The following GPHN variants were observed in gnomAD, a reference collection of about 807,000 sequenced individuals.
GPHN encodes gephyrin.
Under a neutral mutation model 95.5 loss-of-function variants are expected in GPHN, and 17 were observed. That is an observed-to-expected ratio of 0.18 (90% CI 0.12 to 0.27). The LOEUF (loss-of-function observed/expected upper bound fraction) is 0.27. Ranked by LOEUF, GPHN falls within the 10% of genes least tolerant of loss-of-function variation. The pLI is 1.00. For synonymous variants in GPHN, 320 were observed against 322.5 expected, an observed-to-expected ratio of 0.99 and a Z score of 0.08; for missense variants, 660 against 978.1, an observed-to-expected ratio of 0.67 and a Z score of 4.34.
At chr14:67,279,337 T>G in the GPHN span, 1 of 1,613,302 alleles carries the variant, frequency 6.2e-7, no homozygotes, top group Non-Finnish European at 8.5e-7. Flanking sequence ...AGTGCACAGT[T>G]GGAGCGTATT....
At chr14:67,434,925 G>A in the GPHN span, among the ~76,000 whole-genome samples, 2 of 151,880 alleles carry the variant, frequency 1.3e-5, no homozygotes, top group South Asian at 4.2e-4. Context: ...GAGGGGGTGA[G>A]CATGCTAATG....
chr14:67,216,544 A>C, the GPHN span, among the ~76,000 whole-genome samples: 1 of 151,994 alleles, frequency 6.6e-6, no homozygotes, highest in African/African-American at 2.4e-5. Context: ...TATCACTATA[A>C]ACTTGACTCT....
chr14:67,388,383 G>T, the GPHN span: 2 of 844,106 alleles, frequency 2.4e-6, no homozygotes, highest in Non-Finnish European at 4.1e-6. Flanking sequence ...ACTCAGGCCA[G>T]CTAAAGAAGT....
chr14:67,589,739 AT>A, the GPHN span: 1 of 1,016,218 alleles, frequency 9.8e-7, no homozygotes, highest in African/African-American at 1.7e-5. Context: ...TCAGTTTCCC[AT>A]TGTTTTGCTT....
chr14:67,442,545 C>A, the GPHN span, among the ~76,000 whole-genome samples: 1 of 152,208 alleles, frequency 6.6e-6, no homozygotes, highest in South Asian at 2.1e-4. Flanking sequence ...GCACTCGTCC[C>A]TGCCTCCACA....
At chr14:67,010,272 CG>C (rs113347256) in intron 9 of GPHN, among the ~76,000 whole-genome samples, 7,149 of 151,164 alleles carry the variant, frequency 0.047, 204 homozygotes, top group Middle Eastern at 0.068. Flanking sequence ...AAGAATAGGC[CG>C]GGCGCGGTGG....
At chr14:67,370,962 A>G in the GPHN span, among the ~76,000 whole-genome samples, 1 of 151,942 alleles carries the variant, frequency 6.6e-6, no homozygotes, top group Admixed American at 6.6e-5. Flanking sequence ...CCAGGAGAAC[A>G]AGTCTGCAGT....
At chr14:67,623,140 G>T in the GPHN span, among the ~76,000 whole-genome samples, 24 of 152,248 alleles carry the variant, frequency 1.6e-4, 1 homozygote, top group South Asian at 5.0e-3. Flanking sequence ...ATCACCAGCA[G>T]TCTGAAATAG....
chr14:67,102,739 G>A (rs931855862), intron 13 of GPHN, among the ~76,000 whole-genome samples: 1 of 152,160 alleles, frequency 6.6e-6, no homozygotes, highest in Admixed American at 6.5e-5. Context: ...CAGCAGTTTG[G>A]CAAACGCTAT....
At chr14:66,731,177 G>T (rs1248815810) in intron 2 of GPHN, among the ~76,000 whole-genome samples, 1 of 152,092 alleles carries the variant, frequency 6.6e-6, no homozygotes, top group African/African-American at 2.4e-5. Context: ...CCCAGTCTTG[G>T]GTAGTTCTTT....
intron 4 of GPHN, among the ~76,000 whole-genome samples, chr14:66,868,727 G>C (rs1353946747): frequency 1.3e-5 from 2 of 152,012 alleles, no homozygotes; most frequent in Non-Finnish European, 2.9e-5. Context: ...ATCATTGTCT[G>C]TTAGCAATAT....
the GPHN span, chr14:67,572,334 G>C: frequency 6.7e-7 from 1 of 1,491,566 alleles, no homozygotes. Context: ...GAGGCTGCTG[G>C]GGCCCTCAGC....
the GPHN span, chr14:67,340,361 A>G: frequency 8.2e-7 from 1 of 1,225,392 alleles, no homozygotes; most frequent in Non-Finnish European, 1.2e-6. Context: ...AAGAACATAA[A>G]CCAACAAGTC....
intron 3 of GPHN, among the ~76,000 whole-genome samples, chr14:66,805,899 G>A (rs187369437): frequency 2.0e-5 from 3 of 152,160 alleles, no homozygotes; most frequent in South Asian, 4.2e-4. Flanking sequence ...GGGTCTGGAG[G>A]ATGGTGGCCC....
chr14:66,707,859 A>G (rs1450749222), intron 2 of GPHN, among the ~76,000 whole-genome samples: 1 of 152,200 alleles, frequency 6.6e-6, no homozygotes, highest in Non-Finnish European at 1.5e-5. Context: ...GTAGGTATAC[A>G]TTGTATAATG....
the GPHN span, among the ~76,000 whole-genome samples, chr14:67,474,809 C>A: frequency 1.3e-5 from 2 of 152,120 alleles, no homozygotes; most frequent in African/African-American, 2.4e-5. Flanking sequence ...TGGAATCATA[C>A]AAACACTGTC....
intron 3 of GPHN, among the ~76,000 whole-genome samples, chr14:66,777,600 C>G (rs1037952693): frequency 6.6e-6 from 1 of 152,144 alleles, no homozygotes; most frequent in Non-Finnish European, 1.5e-5. Context: ...CCGAATCCAG[C>G]AGCACATCAA....
At chr14:67,453,248 G>C in the GPHN span, among the ~76,000 whole-genome samples, 5 of 152,240 alleles carry the variant, frequency 3.3e-5, no homozygotes, top group Admixed American at 6.5e-5. Context: ...TGTCAAGGAG[G>C]CTGGGTTGAC....
At chr14:67,301,170 G>A in the GPHN span, among the ~76,000 whole-genome samples, 1 of 151,994 alleles carries the variant, frequency 6.6e-6, no homozygotes, top group African/African-American at 2.4e-5. Flanking sequence ...GTCTATAGGC[G>A]TAAGTACCAA....
Sources: gnomAD v4.1 joint callset for allele counts (sites outside exome capture counted in the v4.1 genomes callset) on GRCh38, gnomAD v4.1.1 for gene constraint, MANE v1.5 for transcripts, NCBI Gene and HGNC (gene_info 2026-07-23, HGNC 2026-07-21) for gene names.